The following CA6 variants were observed in gnomAD, a reference collection of about 807,000 sequenced individuals.
The protein encoded by CA6 is carbonic anhydrase 6.
Under a neutral mutation model 35.9 loss-of-function variants are expected in CA6, and 28 were observed. That is an observed-to-expected ratio of 0.78 (90% CI 0.58 to 1.07). The LOEUF (loss-of-function observed/expected upper bound fraction) is 1.07. Among genes scored for constraint, CA6 ranks in the 50% least tolerant of loss-of-function variants. The pLI is 0.00. For missense variants in CA6, 377 were observed against 382.0 expected (o/e 0.99, Z 0.11); for synonymous variants, 148 against 152.6 (o/e 0.97, Z 0.22).
At position 8,967,659 on chromosome 1, in the gene CA6, G is replaced by C; in HGVS notation, c.572G>C (p.Gly191Ala). 1 of 1,613,720 alleles carries C rather than the reference G, an allele frequency of 6.2e-7. No homozygotes were observed. ...ISHLANIKYP[G>A]QRTTLTGLDV... is the part of the protein sequence containing the mutation. Reference sequence around the variant, plus strand: ...TGTTACCTTCTGTCTTCTTGGTCAGGACAAAGAACAACCCTGACTGGCCTT... The same window carrying C: ...TGTTACCTTCTGTCTTCTTGGTCAGCACAAAGAACAACCCTGACTGGCCTT... Residue 191 changes from glycine to alanine, a missense_variant and splice_region_variant, in exon 6 of 8, where the codon GGA (glycine) becomes GCA (alanine). Coordinates refer to ENST00000377443, the MANE Select transcript of CA6 (RefSeq NM_001215.4).
intron 7 of CA6, chr1:8,974,216 A>C: frequency 1.7e-6 from 1 of 575,316 alleles, no homozygotes; most frequent in Non-Finnish European, 3.0e-6. Flanking sequence ...ACTGTATCCC[A>C]GCGGGGTTGA....
chr1:8,950,440 C>T (rs1639500907), intron 2 of CA6, among the ~76,000 whole-genome samples: 1 of 152,124 alleles, frequency 6.6e-6, no homozygotes, highest in Non-Finnish European at 1.5e-5. Flanking sequence ...CCCAAGGCCA[C>T]ACACTGTCTA....
In CA6 at chr1:8,973,784, C is replaced by CTTTCTTTCTTTCT. The variant is rs375258281; in HGVS notation, c.845-835_845-834insCTTTCTTTCTTTT. On this transcript the variant is annotated intron_variant, in intron 7 of 7. Transcript: ENST00000377443. ...TCTTTCTTTCTTTCTTTCTTTCTTT[C>CTTTCTTTCTTTCT]TTTTCCCTCCCTCCCTCTCTCTCTC... is the stretch of plus-strand genomic sequence containing the variant. Among the ~76,000 whole-genome samples the CTTTCTTTCTTTCT allele has an allele frequency of 5.1e-3, 264 of 52,032 alleles. 11 individuals carry two copies. The highest frequency in any genetic ancestry group is 5.7e-3 in the African/African-American group (77 of 13,562). The allele number at this position is 52,032 out of a possible 152,430, so 34.1% of individuals were successfully genotyped here.
chr1:8,948,991 C>G (rs1639444685), intron 1 of CA6, among the ~76,000 whole-genome samples: 1 of 151,256 alleles, frequency 6.6e-6, no homozygotes, highest in Non-Finnish European at 1.5e-5. Context: ...AAAAAGACTT[C>G]CATTGATTTC....
intron 2 of CA6, among the ~76,000 whole-genome samples, chr1:8,952,897 T>G (rs879656354): frequency 2.0e-5 from 3 of 151,638 alleles, no homozygotes; most frequent in Non-Finnish European, 4.4e-5. Flanking sequence ...CCTCAAGTCA[T>G]CCGCCCACTT....
At position 8,970,986 on chromosome 1, in the gene CA6, G is replaced by A. The variant is rs759136963; in HGVS notation, c.844+5G>A. On this transcript the variant is annotated splice_donor_5th_base_variant and intron_variant, in intron 7 of 7. Coordinates refer to ENST00000377443, the MANE Select transcript of CA6 (RefSeq NM_001215.4). ...AATCCAACTTCCCGAATCAGGGTGA[G>A]TGAGACCGACTCTTGATCATGCTCT... 1.3e-6 allele frequency: 2 copies of A among 1,571,072 alleles called. No individual in the cohort carries two copies. The highest frequency in any genetic ancestry group is 3.3e-5 in the Admixed American group (2 of 59,946).
chr1:8,958,790 G>A (rs1639757400), intron 3 of CA6, 120 bp from the exon 4 acceptor site: 2 of 593,670 alleles, frequency 3.4e-6, no homozygotes, highest in Middle Eastern at 3.5e-4. Flanking sequence ...CAAGTTGCTT[G>A]TGTGGAACAG....
intron 1 of CA6, among the ~76,000 whole-genome samples, chr1:8,947,361 G>T (rs1159471553): frequency 2.0e-5 from 3 of 152,074 alleles, no homozygotes; most frequent in African/African-American, 7.3e-5. Context: ...TGCAGAGTCT[G>T]CCCCAGTTCA....
intron 2 of CA6, among the ~76,000 whole-genome samples, chr1:8,950,856 A>C (rs1639511677): frequency 6.7e-6 from 1 of 150,282 alleles, no homozygotes; most frequent in African/African-American, 2.5e-5. Context: ...ACAGAGCGAG[A>C]CCGTTTCTTT....
intron 4 of CA6, among the ~76,000 whole-genome samples, chr1:8,960,809 C>A (rs970067933): frequency 8.1e-6 from 1 of 122,888 alleles, no homozygotes; most frequent in Non-Finnish European, 1.8e-5. Context: ...ATGGGAGTCC[C>A]AGAAGGAAAG....
intron 2 of CA6, chr1:8,951,450 C>T (rs1639531041): frequency 1.3e-6 from 1 of 764,962 alleles, no homozygotes; most frequent in Non-Finnish European, 2.4e-6. Context: ...TTCCTCCCCT[C>T]CTTGTCCTCT....
Position 8,971,001 on chromosome 1 carries a change from G to A in CA6, c.844+20G>A, listed in dbSNP as rs1640096771. On this transcript the variant is annotated intron_variant, in intron 7 of 7. Coordinates refer to ENST00000377443, the MANE Select transcript of CA6 (RefSeq NM_001215.4). ...ATCAGGGTGAGTGAGACCGACTCTTGATCATGCTCTGCAGTTTAACTCCTG... is the reference window on the plus strand; with the variant it reads ...ATCAGGGTGAGTGAGACCGACTCTTAATCATGCTCTGCAGTTTAACTCCTG... 1.4e-6 allele frequency: 2 copies of A among 1,476,736 alleles called. No homozygotes were observed. Among genetic ancestry groups the A allele is most frequent in the Non-Finnish European group, 1.9e-6 (2 of 1,055,042 alleles). The allele number at this position is 1,476,736 out of a possible 1,614,324, so 91.5% of individuals were successfully genotyped here.
intron 7 of CA6, among the ~76,000 whole-genome samples, chr1:8,971,502 G>A (rs932551973): frequency 6.6e-6 from 1 of 151,724 alleles, no homozygotes; most frequent in African/African-American, 2.4e-5. Flanking sequence ...ACTGAAATGG[G>A]GCTTTGCCAT....
chr1:8,958,199 G>T (rs527941037), intron 3 of CA6, among the ~76,000 whole-genome samples: 1 of 151,680 alleles, frequency 6.6e-6, no homozygotes, highest in Non-Finnish European at 1.5e-5. Flanking sequence ...ACAGAGTTTT[G>T]CTCTTTTGCC....
At chr1:8,973,714 TTC>T (rs1557635412) in intron 7 of CA6, among the ~76,000 whole-genome samples, 1 of 8,708 alleles carries the variant, frequency 1.1e-4, no homozygotes, top group Non-Finnish European at 2.3e-4. Context: ...TTCTCTCTCT[TTC>T]TTTCTTTCTT....
At chr1:8,972,631 C>G (rs1022853892) in intron 7 of CA6, among the ~76,000 whole-genome samples, 1 of 151,942 alleles carries the variant, frequency 6.6e-6, no homozygotes, top group African/African-American at 2.4e-5. Context: ...TGCAGTGAGC[C>G]GAGATTGCGC....
chr1:8,973,710 C>CTCTCTTTCTTTCTTTCTT (rs1553164134), intron 7 of CA6, among the ~76,000 whole-genome samples: 1 of 106,428 alleles, frequency 9.4e-6, no homozygotes. Context: ...TTCTTTCTCT[C>CTCTCTTTCTTTCTTTCTT]TCTTTCTTTC....
rs377435950 is a variant in CA6 at position 8,949,326 on chromosome 1, C to T, written c.143C>T (p.Ser48Leu). ...CCCGCCTGTGGGGGCCAGAGACAGT[C>T]GCCTATCAACCTACAGAGGACGAAG... Reference protein sequence around the residue: ...HYPACGGQRQSPINLQRTKVR... With the variant: ...HYPACGGQRQLPINLQRTKVR... Residue 48 changes from serine to leucine, a missense_variant, in exon 2 of 8, where the codon TCG becomes TTG. Physicochemically the swap from Ser to Leu is moderately radical, Grantham distance 145. Coordinates refer to ENST00000377443, the MANE Select transcript of CA6 (RefSeq NM_001215.4). 8.7e-6 allele frequency: 14 copies of T among 1,613,174 alleles called. No homozygotes were observed. Among genetic ancestry groups the T allele is most frequent in the Admixed American group, 3.3e-5 (2 of 59,940 alleles).
chr1:8,973,761 T>TTTC (rs1491094416), intron 7 of CA6, among the ~76,000 whole-genome samples: 9 of 24,634 alleles, frequency 3.7e-4, no homozygotes, highest in African/African-American at 7.2e-4. Flanking sequence ...TCTTTCTTTC[T>TTTC]TTCTTTCTTT....
Sources: gnomAD v4.1 joint callset for allele counts (sites outside exome capture counted in the v4.1 genomes callset) on GRCh38, gnomAD v4.1.1 for gene constraint, MANE v1.5 for transcripts, NCBI Gene and HGNC (gene_info 2026-07-23, HGNC 2026-07-21) for gene names.